The following DLC1 variants were observed in gnomAD, a reference collection of about 807,000 sequenced individuals.
DLC1 encodes the protein DLC1 Rho GTPase activating protein, also known as rho GTPase-activating protein 7.
A neutral mutation model predicts 140.3 loss-of-function variants in DLC1; 54 were observed. The ratio of observed to expected loss-of-function variants is 0.38; its 90% CI spans 0.31 to 0.48. The LOEUF is 0.48. Among genes scored for constraint, DLC1 ranks in the 20% least tolerant of loss-of-function variants. The probability of loss-of-function intolerance (pLI) is 0.96; values close to 1 mark genes in which losing one functional copy is unlikely to be tolerated. For synonymous variants in DLC1, 986 were observed against 728.1 expected (o/e 1.35, Z -5.70); for missense variants, 2,536 against 1,907.0 (o/e 1.33, Z -6.14).
intron 4 of DLC1, among the ~76,000 whole-genome samples, chr8:13,331,849 G>A (rs186033446): frequency 2.1e-4 from 32 of 152,274 alleles, no homozygotes; most frequent in African/African-American, 7.7e-4. Context: ...CACTGAGTCA[G>A]TCCTCACTCC....
At chr8:13,202,052 T>C (rs1827418316) in intron 5 of DLC1, among the ~76,000 whole-genome samples, 1 of 151,656 alleles carries the variant, frequency 6.6e-6, no homozygotes. Flanking sequence ...TTCAAGTGAT[T>C]CTCCTGCCTC....
intron 5 of DLC1, among the ~76,000 whole-genome samples, chr8:13,148,946 C>A (rs1004295923): frequency 6.6e-5 from 10 of 152,100 alleles, no homozygotes; most frequent in Non-Finnish European, 1.3e-4. Context: ...CTGCCCGTCA[C>A]CACGCCCGGC....
At chr8:13,348,248 G>A (rs574709783) in intron 4 of DLC1, among the ~76,000 whole-genome samples, 2 of 152,296 alleles carry the variant, frequency 1.3e-5, no homozygotes, top group Non-Finnish European at 2.9e-5. Context: ...TGAGTAATAT[G>A]TGTGTGGTTG....
intron 1 of DLC1, among the ~76,000 whole-genome samples, chr8:13,547,527 C>G (rs1366818049): frequency 6.6e-6 from 1 of 152,052 alleles, no homozygotes; most frequent in Non-Finnish European, 1.5e-5. Context: ...CTCTACATTT[C>G]TTGTTCTCTG....
intron 4 of DLC1, among the ~76,000 whole-genome samples, chr8:13,332,494 G>C (rs1046968752): frequency 4.0e-5 from 6 of 150,142 alleles, no homozygotes; most frequent in Admixed American, 4.0e-4. Context: ...GCAGTGGCAC[G>C]ATCTCGGCTC....
chr8:13,526,728 C>T (rs1444733960), intron 1 of DLC1, among the ~76,000 whole-genome samples: 2 of 151,636 alleles, frequency 1.3e-5, no homozygotes, highest in Non-Finnish European at 2.9e-5. Context: ...ACAATAAGAA[C>T]ACATGGACAC....
chr8:13,117,084 T>C (rs1408983528), intron 5 of DLC1, among the ~76,000 whole-genome samples: 4 of 152,178 alleles, frequency 2.6e-5, no homozygotes, highest in African/African-American at 9.7e-5. Context: ...AGCAAGGAAA[T>C]AAAGATGTTT....
At chr8:13,157,897 G>A in intron 5 of DLC1, among the ~76,000 whole-genome samples, 1 of 151,964 alleles carries the variant, frequency 6.6e-6, no homozygotes. Context: ...CAAAAATAAA[G>A]CACATTTTAA....
chr8:13,123,122 GTTTCC>G, intron 5 of DLC1, among the ~76,000 whole-genome samples: 2 of 152,262 alleles, frequency 1.3e-5, no homozygotes, highest in South Asian at 4.1e-4. Context: ...AAACGAACTG[GTTTCC>G]TAAGGGCTAT....
chr8:13,588,742 C>A (rs1406859910), intron 1 of DLC1, among the ~76,000 whole-genome samples: 1 of 151,970 alleles, frequency 6.6e-6, no homozygotes, highest in Non-Finnish European at 1.5e-5. Flanking sequence ...TTCTCAAAGA[C>A]TAAAGATATA....
At position 13,088,773 on chromosome 8, in the gene DLC1, T is replaced by C. The variant is rs1451491819; in HGVS notation, c.4075-69A>G. ...CACCTAGTTTTTGAAGTCGAATTGT[T>C]AGTTAGACTAACAATTTTAGTTACA... On this transcript the variant is annotated intron_variant, in intron 15 of 17. Coordinates refer to ENST00000276297, the MANE Select transcript of DLC1 (RefSeq NM_182643.3). 1.7e-5 allele frequency: 24 copies of C among 1,375,530 alleles called. No individual in the cohort carries two copies. In the Admixed American group the frequency reaches 3.5e-4, roughly 20 times the overall value. The allele number at this position is 1,375,530 out of a possible 1,614,324, so 85.2% of individuals were successfully genotyped here.
At chr8:13,393,480 A>G (rs1411902434) in intron 4 of DLC1, 73 bp downstream of exon 4, 4 of 1,462,050 alleles carry the variant, frequency 2.7e-6, no homozygotes, top group African/African-American at 1.4e-5. Context: ...TCTATATCGA[A>G]TGAATATCAA....
chr8:13,349,472 C>T (rs542677063), intron 4 of DLC1, among the ~76,000 whole-genome samples: 2 of 152,230 alleles, frequency 1.3e-5, no homozygotes, highest in African/African-American at 4.8e-5. Context: ...TAACACAAAC[C>T]TTTCACTTGC....
intron 4 of DLC1, among the ~76,000 whole-genome samples, chr8:13,385,874 T>C (rs1836499584): frequency 6.6e-6 from 1 of 152,178 alleles, no homozygotes; most frequent in Non-Finnish European, 1.5e-5. Context: ...AGCAAGAAGG[T>C]AGAAAAATAT....
intron 5 of DLC1, among the ~76,000 whole-genome samples, chr8:13,154,504 C>A (rs1045170464): frequency 2.6e-5 from 4 of 152,194 alleles, no homozygotes; most frequent in Non-Finnish European, 4.4e-5. Flanking sequence ...CGGGGCCTGC[C>A]GAGCCCGAGC....
chr8:13,437,658 C>G (rs1839184547), intron 2 of DLC1, among the ~76,000 whole-genome samples: 1 of 152,154 alleles, frequency 6.6e-6, no homozygotes, highest in African/African-American at 2.4e-5. Flanking sequence ...TGGAAACTGG[C>G]TCCCAGGGAC....
At chr8:13,162,045 C>A (rs1348280) in intron 5 of DLC1, among the ~76,000 whole-genome samples, 98,782 of 152,038 alleles carry the variant, frequency 0.65, 32,986 homozygotes, top group East Asian at 0.84. Context: ...TACAGCTGCA[C>A]TTCTGTAGGG....
At chr8:13,388,643 A>G (rs1420968106) in intron 4 of DLC1, among the ~76,000 whole-genome samples, 3 of 152,072 alleles carry the variant, frequency 2.0e-5, no homozygotes, top group Non-Finnish European at 4.4e-5. Context: ...TCAGAAAATA[A>G]TATCACATGT....
At chr8:13,169,425 T>A (rs1032206986) in intron 5 of DLC1, among the ~76,000 whole-genome samples, 1 of 152,252 alleles carries the variant, frequency 6.6e-6, no homozygotes, top group African/African-American at 2.4e-5. Flanking sequence ...TAAGGTTTTA[T>A]CATTTGTAAC....
Sources: allele counts gnomAD v4.1 joint callset (sites outside exome capture counted in the v4.1 genomes callset), GRCh38; gene constraint gnomAD v4.1.1; transcripts MANE v1.5; gene names NCBI Gene and HGNC (gene_info 2026-07-23, HGNC 2026-07-21).